NRDC: variants seen among roughly 807,000 people sequenced by gnomAD.
The protein encoded by NRDC is nardilysin.
A neutral mutation model predicts 147.1 loss-of-function variants in NRDC; 54 were observed. That is an observed-to-expected ratio of 0.37 (90% CI 0.29 to 0.46). The LOEUF is 0.46. Ranked by LOEUF, NRDC falls within the 20% of genes least tolerant of loss-of-function variation. The probability of loss-of-function intolerance (pLI) is 1.00; values close to 1 mark genes in which losing one functional copy is unlikely to be tolerated. For missense variants in NRDC, 1,082 were observed against 1,370.6 expected (o/e 0.79, Z 3.33); for synonymous variants, 440 against 482.1 (o/e 0.91, Z 1.14).
chr1:51,839,161 T>C (rs1248543806), intron 2 of NRDC, among the ~76,000 whole-genome samples: 1 of 33,208 alleles, frequency 3.0e-5, no homozygotes, highest in Admixed American at 5.4e-4. Flanking sequence ...TTTCTTTTTC[T>C]TTTTTTTTTT....
chr1:51,790,853 G>A (rs766727944), intron 28 of NRDC, 47 bp downstream of exon 28: 15 of 1,481,504 alleles, frequency 1.0e-5, no homozygotes, highest in Admixed American at 1.8e-5. Context: ...TTTGTATCTG[G>A]GGGCTTGTGT....
chr1:51,873,479 TTTTATTTATTTATTTATTTATTTA>T (rs57413276), intron 1 of NRDC, among the ~76,000 whole-genome samples: 1 of 141,816 alleles, frequency 7.1e-6, no homozygotes, highest in Admixed American at 7.1e-5. Context: ...TATATGGAAT[TTTTATTTATTTATTTATTTATTTA>T]TTTATTTATT....
chr1:51,871,517 A>G (rs1174703308), intron 1 of NRDC, among the ~76,000 whole-genome samples: 1 of 16,922 alleles, frequency 5.9e-5, no homozygotes, highest in Non-Finnish European at 1.9e-4. Context: ...TGGTTCATTA[A>G]AAAAAAAAAA....
chr1:51,824,161 T>C (rs1680339476), intron 6 of NRDC, among the ~76,000 whole-genome samples: 2 of 151,708 alleles, frequency 1.3e-5, no homozygotes, highest in South Asian at 4.2e-4. Context: ...GTTTCGCTCT[T>C]GTCGCCCAGG....
chr1:51,877,911 A>G, intron 1 of NRDC: 1 of 635,096 alleles, frequency 1.6e-6, no homozygotes, highest in East Asian at 8.4e-5. Context: ...CCCCTTAAAT[A>G]TCCTGTCCTC....
chr1:51,847,763 C>G (rs563337964), intron 1 of NRDC, among the ~76,000 whole-genome samples: 173 of 152,286 alleles, frequency 1.1e-3, no homozygotes, highest in African/African-American at 4.1e-3. Context: ...CACACCTCCC[C>G]GCAGGCTGAG....
intron 1 of NRDC, among the ~76,000 whole-genome samples, chr1:51,845,759 G>A (rs551929932): frequency 6.6e-6 from 1 of 152,192 alleles, no homozygotes; most frequent in South Asian, 2.1e-4. Flanking sequence ...TGCACCATTA[G>A]AATGTTATCT....
At chr1:51,838,728 C>CT (rs1008801776) in intron 2 of NRDC, among the ~76,000 whole-genome samples, 44 of 151,140 alleles carry the variant, frequency 2.9e-4, no homozygotes, top group Admixed American at 1.3e-3. Flanking sequence ...TGTCAGTGTT[C>CT]TTTTTTTTTG....
At chr1:51,836,482 G>A in intron 2 of NRDC, 1 of 1,524,418 alleles carries the variant, frequency 6.6e-7, no homozygotes, top group Non-Finnish European at 9.1e-7. Flanking sequence ...AGGGAAGAGG[G>A]ACTGGACAGC....
chr1:51,843,572 T>C (rs1681380817), intron 1 of NRDC, among the ~76,000 whole-genome samples: 2 of 152,208 alleles, frequency 1.3e-5, no homozygotes, highest in Admixed American at 1.3e-4. Context: ...AAAAGCCAAC[T>C]CATTCTGAGT....
chr1:51,847,922 T>C (rs1313618110), intron 1 of NRDC, among the ~76,000 whole-genome samples: 1 of 152,254 alleles, frequency 6.6e-6, no homozygotes, highest in Non-Finnish European at 1.5e-5. Flanking sequence ...CAGCACGCTG[T>C]CACCTCTCAT....
chr1:51,849,599 G>A (rs954366586), intron 1 of NRDC, among the ~76,000 whole-genome samples: 2 of 151,454 alleles, frequency 1.3e-5, no homozygotes, highest in African/African-American at 4.9e-5. Flanking sequence ...GATGGATCAC[G>A]AGGTCAGGAA....
chr1:51,866,977 A>T (rs1406928887), intron 1 of NRDC, among the ~76,000 whole-genome samples: 1 of 152,120 alleles, frequency 6.6e-6, no homozygotes, highest in African/African-American at 2.4e-5. Flanking sequence ...ATATACATAT[A>T]TGCCATATAT....
chr1:51,820,098 G>C (rs748728835), intron 8 of NRDC, among the ~76,000 whole-genome samples: 3 of 152,110 alleles, frequency 2.0e-5, no homozygotes, highest in Non-Finnish European at 4.4e-5. Flanking sequence ...CAACTCAAGA[G>C]ATAGAGAATG....
chr1:51,811,530 C>T (rs1679715938), intron 15 of NRDC, among the ~76,000 whole-genome samples: 2 of 152,096 alleles, frequency 1.3e-5, no homozygotes, highest in Admixed American at 1.3e-4. Flanking sequence ...TGACCCTGAC[C>T]GACAATGTAT....
At chr1:51,809,469 T>C (rs982047919) in intron 16 of NRDC, 68 bp from the exon 17 acceptor site, 3 of 1,026,086 alleles carry the variant, frequency 2.9e-6, no homozygotes, top group Non-Finnish European at 4.6e-6. Context: ...AATAATAAAC[T>C]AGTTATCAAC....
chr1:51,863,023 A>G (rs1682623090), intron 1 of NRDC, among the ~76,000 whole-genome samples: 1 of 149,370 alleles, frequency 6.7e-6, no homozygotes, highest in Non-Finnish European at 1.5e-5. Context: ...GAAAAAAAAA[A>G]AAAAAAAAAA....
At chr1:51,835,329 G>A (rs1680903742) in intron 3 of NRDC, among the ~76,000 whole-genome samples, 2 of 151,950 alleles carry the variant, frequency 1.3e-5, no homozygotes, top group Non-Finnish European at 2.9e-5. Flanking sequence ...CCAAAGTGCT[G>A]GGATTACAGG....
At chr1:51,841,786 G>A (rs1186708914) in intron 1 of NRDC, among the ~76,000 whole-genome samples, 2 of 152,134 alleles carry the variant, frequency 1.3e-5, no homozygotes, top group Non-Finnish European at 2.9e-5. Flanking sequence ...GATAAATACA[G>A]AATGTAAGAA....
Sources: gnomAD v4.1 joint callset for allele counts (sites outside exome capture counted in the v4.1 genomes callset) on GRCh38, gnomAD v4.1.1 for gene constraint, MANE v1.5 for transcripts, NCBI Gene and HGNC (gene_info 2026-07-23, HGNC 2026-07-21) for gene names.